TFEC: variants seen among roughly 807,000 people sequenced by gnomAD.
TFEC encodes the protein transcription factor EC.
TFEC carries 31 observed loss-of-function variants against 41.6 expected under a neutral mutation model. The ratio of observed to expected loss-of-function variants is 0.74; its 90% confidence interval spans 0.56 to 1.01. The LOEUF is 1.01. Ranked by LOEUF, TFEC falls within the 50% of genes least tolerant of loss-of-function variation. TFEC has a pLI of 0.00. For synonymous variants in TFEC, 143 were observed against 140.6 expected (o/e 1.02, Z -0.12); for missense variants, 402 against 404.1 (o/e 0.99, Z 0.04).
At chr7:116,109,979 A>G (rs1005215010) in intron 3 of TFEC, among the ~76,000 whole-genome samples, 1 of 152,126 alleles carries the variant, frequency 6.6e-6, no homozygotes, top group African/African-American at 2.4e-5. Context: ...TGCAAGGACA[A>G]AAAACCAAAC....
At chr7:116,043,534 G>A (rs976158613) in intron 3 of TFEC, among the ~76,000 whole-genome samples, 1 of 151,978 alleles carries the variant, frequency 6.6e-6, no homozygotes, top group African/African-American at 2.4e-5. Context: ...AAAATAAGAG[G>A]TTCTCATCTT....
Position 115,935,553 on chromosome 7 carries a change from TATC to T in TFEC, c.*4995_*4997del, listed in dbSNP as rs1458502544. 1 of 151,874 alleles carries T rather than the reference TATC, an allele frequency of 6.6e-6. No individual in the cohort carries two copies. The highest frequency in any genetic ancestry group is 6.6e-5 in the Admixed American group (1 of 15,224). 9.4% of individuals were successfully genotyped at this position (151,874 alleles called of 1,614,324 possible). On this transcript the variant is annotated 3_prime_UTR_variant, in exon 8 of 8. Transcript: ENST00000265440. The stretch of plus-strand genomic sequence containing the variant: ...AATTTCGTTTGCTTTTAAAATTCAG[TATC>T]ATATTTAAAGAACAATATGTAACTT...
At chr7:115,989,847 C>T (rs6968389) in intron 1 of TFEC, among the ~76,000 whole-genome samples, 7 of 152,136 alleles carry the variant, frequency 4.6e-5, no homozygotes, top group Admixed American at 1.3e-4. Context: ...CAGACTTAAA[C>T]GTCACTGTCT....
chr7:116,053,186 G>A (rs1002374901), intron 3 of TFEC, among the ~76,000 whole-genome samples: 1 of 152,212 alleles, frequency 6.6e-6, no homozygotes, highest in African/African-American at 2.4e-5. Flanking sequence ...CAAAGTTGTT[G>A]AGAAAAGAGA....
At chr7:116,075,751 C>T (rs1385690606) in intron 3 of TFEC, among the ~76,000 whole-genome samples, 3 of 152,140 alleles carry the variant, frequency 2.0e-5, no homozygotes, top group African/African-American at 4.8e-5. Flanking sequence ...TGAGCTCAGA[C>T]ACACCTATAC....
chr7:116,156,663 C>T (rs570554999), intron 1 of TFEC, among the ~76,000 whole-genome samples: 4 of 152,252 alleles, frequency 2.6e-5, no homozygotes, highest in South Asian at 4.1e-4. Flanking sequence ...CTTGCTTTTA[C>T]AGTTCCTAGA....
At chr7:116,083,569 CTT>C (rs1797137614) in intron 3 of TFEC, among the ~76,000 whole-genome samples, 1 of 151,860 alleles carries the variant, frequency 6.6e-6, no homozygotes, top group African/African-American at 2.4e-5. Flanking sequence ...TGACAAAACT[CTT>C]GATGTCTTTA....
chr7:116,046,423 C>T (rs1349910183), intron 3 of TFEC, among the ~76,000 whole-genome samples: 1 of 152,132 alleles, frequency 6.6e-6, no homozygotes, highest in Non-Finnish European at 1.5e-5. Context: ...TCAGAGGTTT[C>T]CATTTTGTTT....
chr7:115,964,581 A>G (rs917719045), intron 3 of TFEC, among the ~76,000 whole-genome samples: 1 of 151,614 alleles, frequency 6.6e-6, no homozygotes, highest in Non-Finnish European at 1.5e-5. Flanking sequence ...AGAATCTATG[A>G]TCATCTCAAC....
At chr7:115,993,062 C>A (rs1337378426) in intron 1 of TFEC, among the ~76,000 whole-genome samples, 1 of 152,136 alleles carries the variant, frequency 6.6e-6, no homozygotes. Flanking sequence ...ACGCAAAAAT[C>A]AATAAACGTA....
intron 3 of TFEC, among the ~76,000 whole-genome samples, chr7:116,045,328 T>G (rs1796138324): frequency 6.6e-6 from 1 of 152,214 alleles, no homozygotes; most frequent in East Asian, 1.9e-4. Flanking sequence ...CCCTAGAGAT[T>G]TGTGGAACTT....
intron 1 of TFEC, among the ~76,000 whole-genome samples, chr7:115,995,920 A>G (rs1794349054): frequency 6.6e-6 from 1 of 152,242 alleles, no homozygotes; most frequent in Non-Finnish European, 1.5e-5. Flanking sequence ...TGTCCATTCC[A>G]GTGGTCAGAA....
intron 1 of TFEC, among the ~76,000 whole-genome samples, chr7:116,007,245 C>T (rs548608422): frequency 1.3e-5 from 2 of 152,218 alleles, no homozygotes; most frequent in Non-Finnish European, 2.9e-5. Context: ...AGTCAGGTAT[C>T]ACTCTCTGAT....
intron 1 of TFEC, among the ~76,000 whole-genome samples, chr7:116,019,842 A>G (rs2130849920): frequency 6.6e-6 from 1 of 152,294 alleles, no homozygotes; most frequent in Non-Finnish European, 1.5e-5. Context: ...CATTTTATTG[A>G]TGAGCTAACT....
At chr7:115,952,409 A>T (rs1256938168) in intron 5 of TFEC, among the ~76,000 whole-genome samples, 2 of 152,000 alleles carry the variant, frequency 1.3e-5, no homozygotes, top group Non-Finnish European at 2.9e-5. Context: ...AAATAATAAG[A>T]ATTTCTTAAT....
At chr7:116,004,552 A>C (rs564161221) in intron 1 of TFEC, among the ~76,000 whole-genome samples, 1 of 152,214 alleles carries the variant, frequency 6.6e-6, no homozygotes, top group African/African-American at 2.4e-5. Flanking sequence ...TGTGTCAGGC[A>C]GGGTATATGT....
intron 3 of TFEC, 54 bp from the exon 4 acceptor site, chr7:115,956,847 A>G (rs529958186): frequency 3.7e-6 from 4 of 1,072,820 alleles, no homozygotes; most frequent in Non-Finnish European, 5.3e-6. Flanking sequence ...GCAAATTGAT[A>G]TATTTAGTTA....
At chr7:115,980,767 A>C (rs1482064107) in intron 2 of TFEC, among the ~76,000 whole-genome samples, 21 of 141,520 alleles carry the variant, frequency 1.5e-4, no homozygotes, top group Non-Finnish European at 1.5e-5. Context: ...AACAAAACAA[A>C]ACAAAAAAAA....
upstream of TFEC, among the ~76,000 whole-genome samples, chr7:116,034,653 C>T (rs902102005): frequency 6.6e-6 from 1 of 150,870 alleles, no homozygotes; most frequent in Non-Finnish European, 1.5e-5. Context: ...CTCCTTCTAT[C>T]TGTTACACAC....
Sources: allele counts gnomAD v4.1 joint callset (sites outside exome capture counted in the v4.1 genomes callset), GRCh38; gene constraint gnomAD v4.1.1; transcripts MANE v1.5; gene names NCBI Gene and HGNC (gene_info 2026-07-23, HGNC 2026-07-21).